The following ABLIM3 variants were observed in gnomAD, a reference collection of about 807,000 sequenced individuals.
ABLIM3 encodes the protein actin-binding LIM protein 3.
In ABLIM3, 61 loss-of-function variants were observed where a neutral mutation model predicts 109.5. The ratio of observed to expected loss-of-function variants is 0.56; its 90% CI spans 0.45 to 0.69. The LOEUF (loss-of-function observed/expected upper bound fraction) is 0.69, where lower values mean the gene tolerates loss of function less well. ABLIM3 is among the 30% of genes least tolerant of loss of function. The pLI is 0.00. For missense variants in ABLIM3, 796 were observed against 889.5 expected (o/e 0.89, Z 1.34); for synonymous variants, 300 against 324.8 (o/e 0.92, Z 0.82).
At chr5:149,226,511 AC>A (rs1031937614) in intron 8 of ABLIM3, among the ~76,000 whole-genome samples, 1 of 151,970 alleles carries the variant, frequency 6.6e-6, no homozygotes, top group African/African-American at 2.4e-5. Flanking sequence ...CAGAGAGGAA[AC>A]CTGCCGTAAG....
At chr5:149,160,269 AC>A (rs1754222673) in intron 2 of ABLIM3, among the ~76,000 whole-genome samples, 1 of 152,088 alleles carries the variant, frequency 6.6e-6, no homozygotes, top group African/African-American at 2.4e-5. Context: ...AGCCTGGCCA[AC>A]ATGGTAAAAC....
At chr5:149,247,197 C>G (rs375812213) in intron 17 of ABLIM3, among the ~76,000 whole-genome samples, 2 of 152,180 alleles carry the variant, frequency 1.3e-5, no homozygotes, top group African/African-American at 4.8e-5. Context: ...AAGCCAGACA[C>G]AAGGTCGCAT....
rs139542771 is a variant in ABLIM3, at chr5:149,230,665, C to T, written c.774C>T (p.His258=). The change falls in exon 9 of 24, where the codon CAC becomes CAT. Residue 258 remains histidine (H), a synonymous_variant. Coordinates refer to ENST00000309868, the MANE Select transcript of ABLIM3 (RefSeq NM_014945.5). ...EMYLTGSEVW[H]PICKQAARAE... ...ACCCCTTAGGTTCCGAGGTTTGGCA[C>T]CCCATCTGCAAACAGGCAGCCCGGG... is the stretch of plus-strand genomic sequence containing the variant. The T allele has an allele frequency of 2.3e-5, 37 of 1,613,876 alleles. No homozygotes were observed. The highest frequency in any genetic ancestry group is 2.7e-5 in the Non-Finnish European group (32 of 1,179,970).
intron 15 of ABLIM3, chr5:149,243,870 G>A (rs893677241): frequency 1.3e-5 from 2 of 152,286 alleles, no homozygotes; most frequent in Admixed American, 6.5e-5. Context: ...GAGGGCGGAG[G>A]AAAAAGCTAA....
intron 5 of ABLIM3, among the ~76,000 whole-genome samples, chr5:149,204,275 G>A (rs1758759520): frequency 6.6e-6 from 1 of 152,158 alleles, no homozygotes. Context: ...GGAATAGAGA[G>A]GAACATATGG....
intron 3 of ABLIM3, among the ~76,000 whole-genome samples, chr5:149,185,797 A>G (rs544624688): frequency 1.3e-5 from 2 of 152,344 alleles, no homozygotes; most frequent in South Asian, 2.1e-4. Flanking sequence ...GACTCTTTTA[A>G]CATGCACTAC....
Position 149,142,044 on chromosome 5 carries a change from AAGC to A in ABLIM3, c.-48_-46del. 1 of 1,614,062 alleles carries A rather than the reference AAGC, an allele frequency of 6.2e-7. No homozygotes were observed. Among genetic ancestry groups the A allele is most frequent in the Non-Finnish European group, 8.5e-7 (1 of 1,179,984 alleles). On this transcript the variant is annotated 5_prime_UTR_variant, in exon 2 of 24. Coordinates refer to ENST00000309868, the MANE Select transcript of ABLIM3 (RefSeq NM_014945.5). ...AGGTTCGAAGAACGGAAGATTTAAA[AAGC>A]AGCCGGGGCCTCCGTATTGAATGAA...
intron 3 of ABLIM3, among the ~76,000 whole-genome samples, chr5:149,193,951 A>G (rs1484595366): frequency 2.0e-5 from 3 of 152,330 alleles, no homozygotes; most frequent in Non-Finnish European, 2.9e-5. Context: ...TTGCTTTACT[A>G]TGAAAGGCAG....
Position 149,237,568 on chromosome 5 carries a change from T to C in ABLIM3, c.1009T>C (p.Ser337Pro). 1 of 1,614,166 alleles carries C rather than the reference T, an allele frequency of 6.2e-7. No individual in the cohort carries two copies. The highest frequency in any genetic ancestry group is 8.5e-7 in the Non-Finnish European group (1 of 1,180,026). ...ISYEPHSRYM[S>P]DEMLERCGYG... ...CTATGAGCCTCATTCCAGATACATGTCCGACGAGATGCTGGAGAGATGTGG... is the reference window on the plus strand; with the variant it reads ...CTATGAGCCTCATTCCAGATACATGCCCGACGAGATGCTGGAGAGATGTGG... Residue 337 changes from serine (S) to proline (P), a missense_variant, in exon 11 of 24, where the codon TCC (serine) becomes CCC (proline). Transcript: ENST00000309868.
Position 149,200,400 on chromosome 5 carries a change from T to A in ABLIM3, c.420T>A (p.Ser140Arg). The change falls in exon 5 of 24, where the codon AGT (serine) becomes AGA (arginine). Residue 140 changes from serine to arginine, a missense_variant. Coordinates refer to ENST00000309868, the MANE Select transcript of ABLIM3 (RefSeq NM_014945.5). ...CGTGCTCCCAGTCCATGGCCAGCAG[T>A]AAGCCCATCAAGATTCGTGGACCAA... is the stretch of plus-strand genomic sequence containing the variant. ...CQTCSQSMAS[S>R]KPIKIRGPSH... 6.2e-7 allele frequency: 1 copy of A among 1,614,216 alleles called. No homozygotes were observed. The highest frequency in any genetic ancestry group is 1.7e-5 in the Admixed American group (1 of 60,022).
chr5:149,176,237 C>A (rs78613599), intron 2 of ABLIM3, among the ~76,000 whole-genome samples: 1 of 152,290 alleles, frequency 6.6e-6, no homozygotes, highest in Admixed American at 6.5e-5. Context: ...GGCCCTGGAG[C>A]AGCAATCACT....
intron 8 of ABLIM3, among the ~76,000 whole-genome samples, chr5:149,227,389 A>G (rs1196533982): frequency 1.3e-5 from 2 of 152,198 alleles, no homozygotes; most frequent in African/African-American, 2.4e-5. Context: ...ATCTCAGAGG[A>G]CAGGAGGAAG....
intron 2 of ABLIM3, among the ~76,000 whole-genome samples, chr5:149,149,826 A>G (rs558531444): frequency 1.8e-4 from 27 of 152,168 alleles, no homozygotes; most frequent in Non-Finnish European, 2.8e-4. Flanking sequence ...AAACAAACAA[A>G]GAGAAGCAAG....
chr5:149,253,344 A>G (rs151275970), intron 23 of ABLIM3, among the ~76,000 whole-genome samples: 1,946 of 152,302 alleles, frequency 0.013, 25 homozygotes, highest in Middle Eastern at 0.024. Flanking sequence ...CCCTAGGTTC[A>G]AACTCTGATT....
chr5:149,163,930 T>C (rs1336038798), intron 2 of ABLIM3: 2 of 152,252 alleles, frequency 1.3e-5, no homozygotes, highest in African/African-American at 4.8e-5. Flanking sequence ...TGAGCCCTTC[T>C]TGTTGGTCAC....
At chr5:149,174,388 T>A (rs1755736634) in intron 2 of ABLIM3, 1 of 152,180 alleles carries the variant, frequency 6.6e-6, no homozygotes, top group Non-Finnish European at 1.5e-5. Flanking sequence ...TTCCTTGGAT[T>A]TCCCCGCAAT....
rs147768702 is a variant in ABLIM3, at chr5:149,231,867, A to C, written c.816+1160A>C. On this transcript the variant is annotated intron_variant, in intron 9 of 23. Coordinates refer to ENST00000309868, the MANE Select transcript of ABLIM3 (RefSeq NM_014945.5). ...TTAACTAACCTTATTTTAAAATAAA[A>C]CTTTATATTGCCACGTGAAAACCAG... Among the ~76,000 whole-genome samples, 509 of 152,354 alleles carry C rather than the reference A, an allele frequency of 3.3e-3. 3 individuals carry two copies. The highest frequency in any genetic ancestry group is 0.012 in the African/African-American group (492 of 41,576).
At chr5:149,247,412 A>C (rs1216388709) in intron 17 of ABLIM3, among the ~76,000 whole-genome samples, 1 of 152,248 alleles carries the variant, frequency 6.6e-6, no homozygotes, top group African/African-American at 2.4e-5. Flanking sequence ...ACTGAATGCC[A>C]CTGAATCATT....
chr5:149,148,785 A>G (rs568434839), intron 2 of ABLIM3, among the ~76,000 whole-genome samples: 3 of 152,130 alleles, frequency 2.0e-5, no homozygotes, highest in African/African-American at 2.4e-5. Flanking sequence ...GCCTTCTCCC[A>G]TTCCCTCTAA....
Sources: allele counts gnomAD v4.1 joint callset (sites outside exome capture counted in the v4.1 genomes callset), GRCh38; gene constraint gnomAD v4.1.1; transcripts MANE v1.5; gene names NCBI Gene and HGNC (gene_info 2026-07-23, HGNC 2026-07-21).